Variants in HAPSTR1 observed in about 807,000 individuals in gnomAD.
HAPSTR1 encodes the protein HUWE1 associated protein modifying stress responses, also known as HUWE1-associated protein modifying stress responses 1.
At chr16:9,111,375 A>C in the HAPSTR1 span, 1 of 152,268 alleles carries the variant, frequency 6.6e-6, no homozygotes, top group South Asian at 2.1e-4. Context: ...ATTATTTCAA[A>C]GAATCTTTAA....
At chr16:9,114,778 T>C in the HAPSTR1 span, among the ~76,000 whole-genome samples, 1 of 152,226 alleles carries the variant, frequency 6.6e-6, no homozygotes, top group Non-Finnish European at 1.5e-5. Context: ...GTGCCAGCTC[T>C]TGTTTACTAC....
chr16:9,116,716 G>C, the HAPSTR1 span: 3 of 1,614,030 alleles, frequency 1.9e-6, no homozygotes, highest in Admixed American at 5.0e-5. Context: ...AGTACCCCAG[G>C]CTCTCCTACA....
At chr16:9,109,575 A>G in the HAPSTR1 span, 1 of 152,158 alleles carries the variant, frequency 6.6e-6, no homozygotes, top group Admixed American at 6.5e-5. Flanking sequence ...CTGTAAAGTT[A>G]CACATCATTT....
At chr16:9,109,414 T>A in the HAPSTR1 span, 1 of 152,234 alleles carries the variant, frequency 6.6e-6, no homozygotes, top group Non-Finnish European at 1.5e-5. Flanking sequence ...CTTTCACTCG[T>A]AGCATATCAT....
chr16:9,097,538 G>C, the HAPSTR1 span, among the ~76,000 whole-genome samples: 1 of 152,212 alleles, frequency 6.6e-6, no homozygotes, highest in African/African-American at 2.4e-5. Context: ...TACCCAGCCT[G>C]TGTGTAGTTT....
chr16:9,119,998 T>G, the HAPSTR1 span: 2 of 152,226 alleles, frequency 1.3e-5, no homozygotes, highest in Non-Finnish European at 2.9e-5. Context: ...GCCATAAGTT[T>G]AGAAAATTAT....
At chr16:9,103,358 T>C in the HAPSTR1 span, 1 of 1,268,876 alleles carries the variant, frequency 7.9e-7, no homozygotes, top group Non-Finnish European at 1.1e-6. Flanking sequence ...TACTGTTTTT[T>C]GTCTTACAGT....
the HAPSTR1 span, chr16:9,093,086 G>C: frequency 1.5e-6 from 2 of 1,316,522 alleles, no homozygotes; most frequent in Non-Finnish European, 2.1e-6. Context: ...TGTGTTTTCT[G>C]CTCCCCAGCC....
the HAPSTR1 span, chr16:9,092,035 G>A: frequency 2.7e-6 from 4 of 1,501,708 alleles, no homozygotes; most frequent in Non-Finnish European, 3.6e-6. Flanking sequence ...GCCGCGGGAG[G>A]CCGCGGAGGA....
chr16:9,099,568 A>G, the HAPSTR1 span, among the ~76,000 whole-genome samples: 1 of 152,162 alleles, frequency 6.6e-6, no homozygotes, highest in Admixed American at 6.5e-5. Flanking sequence ...GTGCTTGTGG[A>G]GTTTGCCTAA....
chr16:9,097,822 C>G, the HAPSTR1 span, among the ~76,000 whole-genome samples: 3 of 152,244 alleles, frequency 2.0e-5, no homozygotes, highest in African/African-American at 7.2e-5. Flanking sequence ...TCTGTCATCT[C>G]TTGGCCATAA....
At chr16:9,104,066 G>C in the HAPSTR1 span, 1 of 151,824 alleles carries the variant, frequency 6.6e-6, no homozygotes, top group Admixed American at 6.6e-5. Context: ...GATGGATCAC[G>C]CAGATGGCTA....
the HAPSTR1 span, among the ~76,000 whole-genome samples, chr16:9,113,526 C>T: frequency 1.3e-5 from 2 of 152,108 alleles, no homozygotes; most frequent in African/African-American, 2.4e-5. Context: ...AGGTATTAAA[C>T]GTGCTGCCAT....
the HAPSTR1 span, chr16:9,102,843 C>G: frequency 6.3e-4 from 498 of 786,722 alleles, 4 homozygotes; most frequent in South Asian, 1.5e-4. Context: ...TGACTGAAAT[C>G]ATTTCAGTTT....
At chr16:9,092,545 C>G in the HAPSTR1 span, among the ~76,000 whole-genome samples, 4 of 152,158 alleles carry the variant, frequency 2.6e-5, no homozygotes, top group Admixed American at 1.3e-4. Flanking sequence ...CACCCGGTGT[C>G]CCCCTCGGCC....
chr16:9,101,742 ATTTT>A, the HAPSTR1 span, among the ~76,000 whole-genome samples: 127 of 140,264 alleles, frequency 9.1e-4, no homozygotes, highest in African/African-American at 3.2e-3. Context: ...TGTCTGGATG[ATTTT>A]TTTTTTTTTT....
chr16:9,093,048 C>T, the HAPSTR1 span: 6 of 1,536,240 alleles, frequency 3.9e-6, no homozygotes, highest in Admixed American at 9.1e-5. Context: ...GGGCCGCCTG[C>T]GTCAGGGTGT....
At chr16:9,121,043 C>G in the HAPSTR1 span, 1 of 152,022 alleles carries the variant, frequency 6.6e-6, no homozygotes, top group Non-Finnish European at 1.5e-5. Context: ...CCCAGCTCAC[C>G]GCAATCTCTG....
chr16:9,118,511 G>T, the HAPSTR1 span: 3 of 152,626 alleles, frequency 2.0e-5, no homozygotes, highest in South Asian at 6.2e-4. Context: ...ATTCATTATA[G>T]ATGTAGCCCT....
Sources: gnomAD v4.1 joint callset for allele counts (sites outside exome capture counted in the v4.1 genomes callset) on GRCh38, gnomAD v4.1.1 for gene constraint, MANE v1.5 for transcripts, NCBI Gene and HGNC (gene_info 2026-07-23, HGNC 2026-07-21) for gene names.